The following TMEM232 variants were observed in gnomAD, a reference collection of about 807,000 sequenced individuals.
TMEM232 encodes transmembrane protein 232.
A neutral mutation model predicts 78.8 loss-of-function variants in TMEM232; 80 were observed. That is an observed-to-expected ratio of 1.01 (90% confidence interval 0.85 to 1.22). TMEM232 has a LOEUF of 1.22. Ranked by LOEUF, TMEM232 falls within the 50% of genes most tolerant of loss-of-function variation. The pLI is 0.00. For missense variants in TMEM232, 881 were observed against 742.2 expected (o/e 1.19, Z -2.17); for synonymous variants, 297 against 254.3 (o/e 1.17, Z -1.60).
intron 5 of TMEM232, among the ~76,000 whole-genome samples, chr5:110,634,731 T>G (rs896636875): frequency 6.6e-6 from 1 of 151,864 alleles, no homozygotes; most frequent in Non-Finnish European, 1.5e-5. Context: ...AGCAATAAAT[T>G]CCTGCATCAA....
At chr5:110,388,516 A>G (rs766641512) in intron 4 of TMEM232, among the ~76,000 whole-genome samples, 3 of 152,160 alleles carry the variant, frequency 2.0e-5, no homozygotes, top group Non-Finnish European at 2.9e-5. Context: ...TAAAAGGAAA[A>G]CCTTACCAAG....
At chr5:110,426,904 G>A (rs1757302130) in intron 12 of TMEM232, among the ~76,000 whole-genome samples, 2 of 151,952 alleles carry the variant, frequency 1.3e-5, no homozygotes, top group African/African-American at 2.4e-5. Context: ...GGTTAAAAGT[G>A]TTCAAGCAAA....
At chr5:110,435,480 A>G (rs1279475057) in intron 12 of TMEM232, among the ~76,000 whole-genome samples, 3 of 151,810 alleles carry the variant, frequency 2.0e-5, no homozygotes, top group African/African-American at 4.8e-5. Flanking sequence ...TGTGTTAACA[A>G]TTCAAATATG....
chr5:110,644,581 A>C (rs1430068601), intron 2 of TMEM232, among the ~76,000 whole-genome samples: 1 of 151,736 alleles, frequency 6.6e-6, no homozygotes, highest in Non-Finnish European at 1.5e-5. Context: ...ACCTATATAC[A>C]CACTTTACCA....
At chr5:110,438,612 T>C (rs993937908) in intron 12 of TMEM232, among the ~76,000 whole-genome samples, 4 of 152,030 alleles carry the variant, frequency 2.6e-5, no homozygotes, top group South Asian at 2.1e-4. Flanking sequence ...TTTCCTATCA[T>C]GCATTTACTT....
chr5:110,690,442 T>A (rs1382099041), intron 1 of TMEM232, among the ~76,000 whole-genome samples: 2 of 152,336 alleles, frequency 1.3e-5, no homozygotes, highest in African/African-American at 4.8e-5. Context: ...TCATACCACT[T>A]AGAATGGCGA....
At chr5:110,576,086 G>A (rs186773998) in intron 10 of TMEM232, among the ~76,000 whole-genome samples, 3 of 152,184 alleles carry the variant, frequency 2.0e-5, no homozygotes, top group African/African-American at 4.8e-5. Context: ...AAGAGAGGAA[G>A]TCAAACTATC....
intron 2 of TMEM232, among the ~76,000 whole-genome samples, chr5:110,408,144 T>C (rs1561460158): frequency 6.6e-6 from 1 of 152,130 alleles, no homozygotes. Context: ...AGGAAGTTTA[T>C]AGCAATAGAC....
At chr5:110,597,159 C>T (rs1249540950) in intron 10 of TMEM232, among the ~76,000 whole-genome samples, 1 of 152,164 alleles carries the variant, frequency 6.6e-6, no homozygotes, top group East Asian at 1.9e-4. Context: ...TAAGCAACTT[C>T]AGCAAAGTCT....
intron 11 of TMEM232, among the ~76,000 whole-genome samples, chr5:110,531,043 G>A (rs945570882): frequency 1.3e-5 from 2 of 152,092 alleles, no homozygotes. Context: ...CCACAAAAGT[G>A]AAAATGACCT....
intron 1 of TMEM232, among the ~76,000 whole-genome samples, chr5:110,718,529 T>C (rs1490857265): frequency 6.6e-6 from 1 of 152,138 alleles, no homozygotes; most frequent in East Asian, 1.9e-4. Context: ...ATTTTCTCTT[T>C]GCAGTTAGCT....
chr5:110,461,587 T>C (rs1461111921), intron 12 of TMEM232, among the ~76,000 whole-genome samples: 1 of 152,218 alleles, frequency 6.6e-6, no homozygotes, highest in East Asian at 1.9e-4. Context: ...TCAATGTGGA[T>C]GAAAAGGTTT....
intron 10 of TMEM232, among the ~76,000 whole-genome samples, chr5:110,583,577 T>C (rs148478405): frequency 0.034 from 5,162 of 151,858 alleles, 133 homozygotes; most frequent in African/African-American, 0.066. Context: ...GTTTTAGCAA[T>C]GATTTTTCGG....
chr5:110,630,242 G>C (rs1421332789), intron 5 of TMEM232, among the ~76,000 whole-genome samples: 1 of 152,206 alleles, frequency 6.6e-6, no homozygotes, highest in Non-Finnish European at 1.5e-5. Context: ...TGGGATTCCA[G>C]TTGAAGACAG....
chr5:110,690,600 T>C (rs1452950188), intron 1 of TMEM232, among the ~76,000 whole-genome samples: 1 of 152,168 alleles, frequency 6.6e-6, no homozygotes, highest in Admixed American at 6.5e-5. Flanking sequence ...GAAATACTAT[T>C]TGACCCAGCA....
intron 2 of TMEM232, among the ~76,000 whole-genome samples, chr5:110,648,629 G>C (rs1025721315): frequency 2.6e-5 from 4 of 151,922 alleles, no homozygotes; most frequent in African/African-American, 9.7e-5. Flanking sequence ...TAAAAAAATA[G>C]CAAAAGTGGA....
intron 12 of TMEM232, among the ~76,000 whole-genome samples, chr5:110,473,005 T>A (rs1762845357): frequency 6.6e-6 from 1 of 151,270 alleles, no homozygotes; most frequent in African/African-American, 2.4e-5. Context: ...TATATAATAT[T>A]GGTCTGGGCA....
At position 110,529,757 on chromosome 5, in the gene TMEM232, G is replaced by A. The variant is rs925248482; in HGVS notation, c.1456-922C>T. ...TTTCTGAAATTTCCTTTTCCTGTTT[G>A]ATAATGTCCAGGATTGCTTCTTCTT... On this transcript the variant is annotated intron_variant, in intron 11 of 13. Transcript: ENST00000455884. Among the ~76,000 whole-genome samples, 4 of 152,166 alleles carry A rather than the reference G, an allele frequency of 2.6e-5. No individual in the cohort carries two copies. The East Asian group carries it at 7.7e-4, about 29-fold the overall frequency.
At chr5:110,667,666 C>T (rs555848368) in intron 1 of TMEM232, 1 of 170,200 alleles carries the variant, frequency 5.9e-6, no homozygotes, top group South Asian at 1.7e-4. Context: ...TACAACCAGA[C>T]TAAGTGCTCT....
Sources: allele counts gnomAD v4.1 joint callset (sites outside exome capture counted in the v4.1 genomes callset), GRCh38; gene constraint gnomAD v4.1.1; transcripts MANE v1.5; gene names NCBI Gene and HGNC (gene_info 2026-07-23, HGNC 2026-07-21).